VSTM4: variants seen among roughly 807,000 people sequenced by gnomAD.
The protein encoded by VSTM4 is V-set and transmembrane domain-containing protein 4.
Under a neutral mutation model 36.4 loss-of-function variants are expected in VSTM4, and 20 were observed. That is an observed-to-expected ratio of 0.55 (90% CI 0.39 to 0.80). The LOEUF (loss-of-function observed/expected upper bound fraction) is 0.80. VSTM4 is among the 30% of genes least tolerant of loss of function. The pLI is 0.00. For missense variants in VSTM4, 392 were observed against 404.5 expected (o/e 0.97, Z 0.26); for synonymous variants, 182 against 173.9 (o/e 1.05, Z -0.37).
intron 7 of VSTM4, among the ~76,000 whole-genome samples, chr10:49,021,938 G>C (rs1389750510): frequency 6.6e-6 from 1 of 152,074 alleles, no homozygotes; most frequent in Non-Finnish European, 1.5e-5. Context: ...AAATATGTGG[G>C]TACATATTTT....
At chr10:49,046,732 T>C (rs974785244) in intron 7 of VSTM4, among the ~76,000 whole-genome samples, 5 of 152,240 alleles carry the variant, frequency 3.3e-5, no homozygotes, top group African/African-American at 2.4e-5. Flanking sequence ...TTTCTGAGTA[T>C]GGCTTTTCTC....
chr10:49,066,468 G>C (rs1023621769), intron 4 of VSTM4, among the ~76,000 whole-genome samples: 1 of 152,144 alleles, frequency 6.6e-6, no homozygotes, highest in African/African-American at 2.4e-5. Context: ...ATCATGATGT[G>C]ACTTTTGACA....
At chr10:49,088,667 C>G (rs17175907) in intron 2 of VSTM4, among the ~76,000 whole-genome samples, 26 of 152,238 alleles carry the variant, frequency 1.7e-4, no homozygotes, top group Non-Finnish European at 3.4e-4. Context: ...CAAGGCCTGG[C>G]ATGTTGTATT....
At chr10:49,053,836 G>A (rs182373155) in intron 5 of VSTM4, among the ~76,000 whole-genome samples, 4 of 152,282 alleles carry the variant, frequency 2.6e-5, no homozygotes, top group Middle Eastern at 3.4e-3. Flanking sequence ...GGAAAGCACC[G>A]CTGCAGGACA....
At chr10:49,114,427 C>G (rs1187652339) in intron 1 of VSTM4, among the ~76,000 whole-genome samples, 1 of 152,156 alleles carries the variant, frequency 6.6e-6, no homozygotes, top group Non-Finnish European at 1.5e-5. Context: ...GAGCCCAGAG[C>G]CAGGCTAACT....
Position 49,108,105 on chromosome 10 carries a change from C to T in VSTM4, c.56-110G>A, listed in dbSNP as rs991749798. The T allele has an allele frequency of 6.4e-6, 9 of 1,396,666 alleles. No individual in the cohort carries two copies. The East Asian group carries it at 2.0e-4, about 31-fold the overall frequency. The allele number at this position is 1,396,666 out of a possible 1,614,324, so 86.5% of individuals were successfully genotyped here. A position where few individuals can be genotyped will look rare whatever the true frequency, so the allele number is the denominator to read the frequency against. ...CCTCCACGCACTGGGCATCCTAGTG[C>T]TCTGCCTGGCCAGAGAAGCAGGCGG... is the stretch of plus-strand genomic sequence containing the variant. On this transcript the variant is annotated intron_variant, in intron 1 of 7. Transcript: ENST00000332853.
At chr10:49,079,811 A>G (rs949859638) in intron 3 of VSTM4, among the ~76,000 whole-genome samples, 10 of 152,182 alleles carry the variant, frequency 6.6e-5, no homozygotes, top group African/African-American at 1.4e-4. Flanking sequence ...ATGTATAGAA[A>G]AAAAAGCCAT....
chr10:49,103,475 A>G, intron 2 of VSTM4: 2 of 1,067,994 alleles, frequency 1.9e-6, no homozygotes, highest in East Asian at 5.5e-5. Flanking sequence ...CCCTTTCAGT[A>G]TTTTTCCATG....
intron 7 of VSTM4, among the ~76,000 whole-genome samples, chr10:49,021,861 C>A (rs1843186409): frequency 6.6e-6 from 1 of 152,090 alleles, no homozygotes; most frequent in African/African-American, 2.4e-5. Flanking sequence ...GAGGGAGGAG[C>A]TATATGTGTA....
chr10:49,084,200 C>A (rs1254846926), intron 3 of VSTM4, among the ~76,000 whole-genome samples: 1 of 152,136 alleles, frequency 6.6e-6, no homozygotes, highest in Non-Finnish European at 1.5e-5. Context: ...TTTGCCAATG[C>A]CAATGAGTAG....
At chr10:49,084,580 T>C (rs1844337262) in intron 3 of VSTM4, among the ~76,000 whole-genome samples, 1 of 152,208 alleles carries the variant, frequency 6.6e-6, no homozygotes, top group Non-Finnish European at 1.5e-5. Context: ...GATCATACAA[T>C]GGGTTAACAA....
At chr10:49,026,864 G>C (rs1176537110) in intron 7 of VSTM4, among the ~76,000 whole-genome samples, 2 of 152,204 alleles carry the variant, frequency 1.3e-5, no homozygotes, top group East Asian at 3.8e-4. Context: ...TGCACATCCT[G>C]TGACTGCTGA....
chr10:49,103,651 G>A (rs942591367), intron 2 of VSTM4: 37 of 1,542,088 alleles, frequency 2.4e-5, no homozygotes, highest in Admixed American at 6.3e-5. Context: ...TGTGCTGGGC[G>A]AGGTGTTCAT....
chr10:49,048,064 A>G (rs1035829197), intron 6 of VSTM4, among the ~76,000 whole-genome samples: 1 of 152,204 alleles, frequency 6.6e-6, no homozygotes, highest in Non-Finnish European at 1.5e-5. Flanking sequence ...TAAATTTCAC[A>G]CCTGGTTGAC....
chr10:49,115,481 C>T lies in VSTM4; in HGVS notation c.5G>A (p.Arg2Gln). 1 of 1,019,264 alleles carries T rather than the reference C, an allele frequency of 9.8e-7. No homozygotes were observed. The highest frequency in any genetic ancestry group is 1.2e-6 in the Non-Finnish European group (1 of 849,892). 63.1% of individuals were successfully genotyped at this position (1,019,264 alleles called of 1,614,324 possible). MRLLALAAAALL... is the reference protein window; with the variant it reads MQLLALAAAALL... ...CGCGGCCGCCGCCAGTGCCAGCAGCCGCATCTCCCCGCCGCCGCCCGGCGC... is the reference window on the plus strand; with the variant it reads ...CGCGGCCGCCGCCAGTGCCAGCAGCTGCATCTCCCCGCCGCCGCCCGGCGC... The change falls in exon 1 of 8, where the codon CGG becomes CAG. Residue 2 changes from arginine (R) to glutamine (Q), a missense_variant. Transcript: ENST00000332853.
chr10:49,074,595 C>A (rs1403377843), intron 4 of VSTM4, among the ~76,000 whole-genome samples: 1 of 152,206 alleles, frequency 6.6e-6, no homozygotes, highest in Non-Finnish European at 1.5e-5. Flanking sequence ...GGTCCTCCAT[C>A]CTTGGCCCCA....
At chr10:49,042,443 G>C (rs1347044468) in intron 7 of VSTM4, among the ~76,000 whole-genome samples, 1 of 152,232 alleles carries the variant, frequency 6.6e-6, no homozygotes, top group Non-Finnish European at 1.5e-5. Context: ...AGAGCAGCAA[G>C]GACAGGAGCA....
intron 7 of VSTM4, among the ~76,000 whole-genome samples, chr10:49,025,558 G>A (rs1364842940): frequency 6.6e-6 from 1 of 152,214 alleles, no homozygotes; most frequent in Non-Finnish European, 1.5e-5. Flanking sequence ...ACCCTGGGCT[G>A]CAACAGATCT....
At chr10:49,060,856 G>A (rs1843865155) in intron 5 of VSTM4, among the ~76,000 whole-genome samples, 1 of 152,278 alleles carries the variant, frequency 6.6e-6, no homozygotes, top group South Asian at 2.1e-4. Context: ...TGTGAGACAA[G>A]GGTCTCAGTT....
Sources: allele counts gnomAD v4.1 joint callset (sites outside exome capture counted in the v4.1 genomes callset), GRCh38; gene constraint gnomAD v4.1.1; transcripts MANE v1.5; gene names NCBI Gene and HGNC (gene_info 2026-07-23, HGNC 2026-07-21).